NRXN1: variants seen among roughly 807,000 people sequenced by gnomAD.
The protein encoded by NRXN1 is neurexin-1.
In NRXN1, 39 loss-of-function variants were observed where a neutral mutation model predicts 150.9. The ratio of observed to expected loss-of-function variants is 0.26; its 90% confidence interval spans 0.20 to 0.34. NRXN1 has a LOEUF of 0.34. NRXN1 is among the 10% of genes least tolerant of loss of function. The pLI is 1.00. For synonymous variants in NRXN1, 924 were observed against 757.0 expected (o/e 1.22, Z -3.62); for missense variants, 1,815 against 1,949.9 (o/e 0.93, Z 1.30).
rs111957232 is a variant in NRXN1, at chr2:50,538,930, C to T, written c.1760-294G>A. On this transcript the variant is annotated intron_variant, in intron 9 of 22. Transcript: ENST00000401669. ...AAACAGTTCAGTCAATGCATGTATA[C>T]ATACATTAAAAATAAAGAAACTGTA... Among the ~76,000 whole-genome samples the T allele has an allele frequency of 2.3e-3, 354 of 152,230 alleles. 3 individuals are homozygous for T. Among genetic ancestry groups the T allele is most frequent in the African/African-American group, 8.2e-3 (341 of 41,536 alleles).
intron 21 of NRXN1, among the ~76,000 whole-genome samples, chr2:50,015,002 G>A (rs925591382): frequency 1.3e-5 from 2 of 152,094 alleles, no homozygotes; most frequent in African/African-American, 2.4e-5. Context: ...TCCTATTTCA[G>A]TGGTATGTTC....
At chr2:50,098,508 T>C (rs1292853618) in intron 18 of NRXN1, among the ~76,000 whole-genome samples, 2 of 152,102 alleles carry the variant, frequency 1.3e-5, no homozygotes, top group African/African-American at 4.8e-5. Flanking sequence ...CTACCTTCTA[T>C]CTCTCCTTTC....
rs186570841 is a variant in NRXN1 at position 50,437,543 on chromosome 2, T to A, written c.3364+27899A>T. On this transcript the variant is annotated intron_variant, in intron 17 of 22. Transcript: ENST00000401669. ...GTGAATAAATTGTAGCAGTATTACA[T>A]GCTTCTGTGTTCAGTGTGTTTGTTG... is the stretch of plus-strand genomic sequence containing the variant. Among the ~76,000 whole-genome samples, 382 of 152,316 alleles carry A rather than the reference T, an allele frequency of 2.5e-3. 1 individual carries two copies. The highest frequency in any genetic ancestry group is 7.3e-3 in the South Asian group (35 of 4,824).
At chr2:50,694,117 G>A (rs1041715418) in intron 5 of NRXN1, among the ~76,000 whole-genome samples, 11 of 152,224 alleles carry the variant, frequency 7.2e-5, no homozygotes, top group African/African-American at 2.4e-4. Flanking sequence ...TTGAGGTTTA[G>A]GGACTAACGT....
intron 5 of NRXN1, among the ~76,000 whole-genome samples, chr2:50,716,565 G>A (rs1039379294): frequency 2.6e-5 from 4 of 152,072 alleles, no homozygotes; most frequent in Non-Finnish European, 5.9e-5. Flanking sequence ...ATAAGCAAGT[G>A]ATCCCCATCT....
intron 5 of NRXN1, among the ~76,000 whole-genome samples, chr2:50,883,325 T>C (rs1232131820): frequency 1.3e-5 from 2 of 151,878 alleles, no homozygotes; most frequent in Non-Finnish European, 2.9e-5. Flanking sequence ...CAGAGTTTGG[T>C]TTTGCTACTG....
chr2:50,200,534 C>T (rs368763011), intron 18 of NRXN1, among the ~76,000 whole-genome samples: 3 of 152,052 alleles, frequency 2.0e-5, no homozygotes, highest in South Asian at 2.1e-4. Context: ...CTGCAGATAG[C>T]GACACACAGC....
intron 22 of NRXN1, chr2:49,926,501 A>G: frequency 5.1e-6 from 2 of 395,952 alleles, no homozygotes; most frequent in Non-Finnish European, 8.9e-6. Flanking sequence ...TTAGTAACCT[A>G]TTTCTGCACT....
intron 2 of NRXN1, among the ~76,000 whole-genome samples, chr2:50,989,713 G>C (rs1373725534): frequency 6.6e-6 from 1 of 151,918 alleles, no homozygotes. Context: ...ATGGGAATTT[G>C]GGTGGTTTCT....
intron 18 of NRXN1, among the ~76,000 whole-genome samples, chr2:50,206,472 A>G (rs1295383117): frequency 6.6e-6 from 1 of 151,986 alleles, no homozygotes; most frequent in Non-Finnish European, 1.5e-5. Flanking sequence ...CTTAATTTCA[A>G]TCTATTGCTC....
At chr2:50,167,560 AAAAAAC>A (rs2059763859) in intron 18 of NRXN1, among the ~76,000 whole-genome samples, 1 of 152,138 alleles carries the variant, frequency 6.6e-6, no homozygotes, top group South Asian at 2.1e-4. Context: ...TGTTAAAAAA[AAAAAAC>A]AACCTGATTA....
intron 21 of NRXN1, among the ~76,000 whole-genome samples, chr2:49,974,594 G>A (rs1214426167): frequency 3.3e-5 from 5 of 152,118 alleles, no homozygotes; most frequent in Non-Finnish European, 7.4e-5. Context: ...AATTAGCATG[G>A]AACCCTCCTA....
intron 15 of NRXN1, among the ~76,000 whole-genome samples, chr2:50,479,323 T>C (rs537491534): frequency 2.0e-4 from 31 of 152,286 alleles, no homozygotes; most frequent in African/African-American, 6.3e-4. Flanking sequence ...CCTCTTCTGA[T>C]GTTGTTCTTC....
chr2:50,717,046 T>A (rs923724138), intron 5 of NRXN1, among the ~76,000 whole-genome samples: 17 of 152,186 alleles, frequency 1.1e-4, no homozygotes, highest in Non-Finnish European at 2.2e-4. Flanking sequence ...CTTCATGTTG[T>A]TACTCAATTC....
chr2:50,101,597 C>T (rs1002888604), intron 18 of NRXN1, among the ~76,000 whole-genome samples: 4 of 151,838 alleles, frequency 2.6e-5, no homozygotes, highest in African/African-American at 7.2e-5. Context: ...CTTAGTAACT[C>T]GGTTATAGGT....
intron 5 of NRXN1, among the ~76,000 whole-genome samples, chr2:50,723,206 G>T (rs2105138804): frequency 6.6e-6 from 1 of 152,168 alleles, no homozygotes; most frequent in East Asian, 1.9e-4. Context: ...CAGGCCCCAG[G>T]AAAGAAGCAT....
At chr2:50,463,203 T>TATTTTGATCAATTTA (rs2088430710) in intron 17 of NRXN1, among the ~76,000 whole-genome samples, 1 of 151,912 alleles carries the variant, frequency 6.6e-6, no homozygotes, top group Non-Finnish European at 1.5e-5. Flanking sequence ...AGACAAGATT[T>TATTTTGATCAATTTA]ATTTTGATCA....
At chr2:50,294,740 G>C (rs1044773104) in intron 17 of NRXN1, among the ~76,000 whole-genome samples, 9 of 152,274 alleles carry the variant, frequency 5.9e-5, no homozygotes, top group African/African-American at 2.2e-4. Context: ...TGTTTGATGA[G>C]TAAAATATCA....
chr2:50,194,538 CT>C (rs1421859928), intron 18 of NRXN1, among the ~76,000 whole-genome samples: 3 of 152,074 alleles, frequency 2.0e-5, no homozygotes, highest in African/African-American at 7.2e-5. Context: ...AACGTATTAG[CT>C]GTTACAATTC....
Sources: gnomAD v4.1 joint callset for allele counts (sites outside exome capture counted in the v4.1 genomes callset) on GRCh38, gnomAD v4.1.1 for gene constraint, MANE v1.5 for transcripts, NCBI Gene and HGNC (gene_info 2026-07-23, HGNC 2026-07-21) for gene names.